The following RANBP9 variants were observed in gnomAD, a reference collection of about 807,000 sequenced individuals.
RANBP9 encodes the protein RAN binding protein 9.
RANBP9 carries 15 observed loss-of-function variants against 84.3 expected under a neutral mutation model. The ratio of observed to expected loss-of-function variants is 0.18; its 90% CI spans 0.12 to 0.27. RANBP9 has a LOEUF of 0.27. Ranked by LOEUF, RANBP9 falls within the 10% of genes least tolerant of loss-of-function variation. The pLI is 1.00. For missense variants in RANBP9, 809 were observed against 912.8 expected (o/e 0.89, Z 1.46); for synonymous variants, 392 against 349.6 (o/e 1.12, Z -1.35).
chr6:13,692,523 G>T (rs1490101447), intron 2 of RANBP9, among the ~76,000 whole-genome samples: 1 of 53,188 alleles, frequency 1.9e-5, no homozygotes, highest in African/African-American at 8.2e-5. Context: ...GCGAAACTCC[G>T]TCTCAAAAAA....
At position 13,710,951 on chromosome 6, in the gene RANBP9, C is replaced by T. The variant is rs777802880; in HGVS notation, c.555G>A (p.Leu185=). Residue 185 remains leucine (L), a synonymous_variant, in exon 1 of 14, where the codon CTG becomes CTA. Coordinates refer to ENST00000011619, the MANE Select transcript of RANBP9 (RefSeq NM_005493.3). ...GCCCAGTACCTTTGTAGTGCACCCG[C>T]AGGTTGTTCTGAGAGAGGCCGATGT... ...FSYIGLSQNN[L]RVHYKGHGKT... The T allele has an allele frequency of 6.2e-7, 1 of 1,608,916 alleles. No homozygotes were observed.
chr6:13,667,610 C>G (rs1226823586), intron 2 of RANBP9, among the ~76,000 whole-genome samples: 1 of 152,128 alleles, frequency 6.6e-6, no homozygotes, highest in East Asian at 1.9e-4. Context: ...CACATTTTTA[C>G]TGTATCTTTC....
In RANBP9 at chr6:13,708,819, TCACA is replaced by T. The variant is rs70989879; in HGVS notation, c.571+2112_571+2115del. 4.9e-4 allele frequency among the ~76,000 whole-genome samples: 69 copies of T among 140,902 alleles called. 1 individual carries two copies. Among genetic ancestry groups the T allele is most frequent in the African/African-American group, 9.3e-4 (35 of 37,522 alleles). 92.4% of individuals were successfully genotyped at this position (140,902 alleles called of 152,430 possible). ...AAAATCAACAGTAACAACGGAAAAC[TCACA>T]CACACACACACACACACACACACAG... On this transcript the variant is annotated intron_variant, in intron 1 of 13. Transcript: ENST00000011619.
At chr6:13,707,185 G>A (rs764569814) in intron 1 of RANBP9, among the ~76,000 whole-genome samples, 7 of 151,978 alleles carry the variant, frequency 4.6e-5, no homozygotes, top group Non-Finnish European at 7.4e-5. Context: ...CACTTAGCCC[G>A]GTTAATTTTT....
At chr6:13,679,111 ATC>A (rs1261609143) in intron 2 of RANBP9, among the ~76,000 whole-genome samples, 1 of 152,244 alleles carries the variant, frequency 6.6e-6, no homozygotes. Context: ...GCAGCTACTT[ATC>A]TCTCTCTACA....
intron 10 of RANBP9, among the ~76,000 whole-genome samples, chr6:13,634,809 A>G (rs889439005): frequency 2.6e-5 from 4 of 152,218 alleles, no homozygotes; most frequent in Non-Finnish European, 4.4e-5. Context: ...ATGACTTTAC[A>G]TCAATATGGA....
intron 13 of RANBP9, among the ~76,000 whole-genome samples, chr6:13,624,955 C>T (rs1012574800): frequency 6.6e-6 from 1 of 152,154 alleles, no homozygotes; most frequent in African/African-American, 2.4e-5. Context: ...GCTTAGGCTG[C>T]TGCTACCCAT....
chr6:13,706,068 G>T (rs1018270527), intron 1 of RANBP9, among the ~76,000 whole-genome samples: 1 of 152,100 alleles, frequency 6.6e-6, no homozygotes, highest in Non-Finnish European at 1.5e-5. Flanking sequence ...TATAACAAAA[G>T]TTCAACCTAT....
At chr6:13,700,466 C>T (rs1757940862) in intron 1 of RANBP9, among the ~76,000 whole-genome samples, 1 of 143,154 alleles carries the variant, frequency 7.0e-6, no homozygotes, top group Non-Finnish European at 1.5e-5. Context: ...GCTATTCCCT[C>T]CACCTTTCCT....
At chr6:13,623,393 T>C (rs1302523645) in intron 13 of RANBP9, among the ~76,000 whole-genome samples, 1 of 152,028 alleles carries the variant, frequency 6.6e-6, no homozygotes, top group Non-Finnish European at 1.5e-5. Flanking sequence ...GAGGATGCAA[T>C]TTGATGGTGG....
In RANBP9 at chr6:13,628,165, C is replaced by T. The variant is rs142091421; in HGVS notation, c.1948-2401G>A. Among the ~76,000 whole-genome samples the T allele has an allele frequency of 6.6e-3, 1,003 of 152,256 alleles. 7 individuals are homozygous for T. The highest frequency in any genetic ancestry group is 0.023 in the African/African-American group (939 of 41,542). On this transcript the variant is annotated intron_variant, in intron 12 of 13. Coordinates refer to ENST00000011619, the MANE Select transcript of RANBP9 (RefSeq NM_005493.3). ...TATCATCTAGAGAAGCAAACTGAGG[C>T]AGTGAATAGTAAGATGCAGATTCTT...
At chr6:13,710,880 G>T in intron 1 of RANBP9, 55 bp downstream of exon 1, 4 of 1,516,940 alleles carry the variant, frequency 2.6e-6, no homozygotes, top group South Asian at 2.4e-5. Flanking sequence ...GCGCAGCGGC[G>T]GCCGGCCACG....
intron 12 of RANBP9, among the ~76,000 whole-genome samples, chr6:13,627,406 G>A (rs904170438): frequency 7.2e-5 from 11 of 152,070 alleles, no homozygotes; most frequent in African/African-American, 1.9e-4. Flanking sequence ...GAGGCAGGCA[G>A]ATCATTTGAG....
intron 11 of RANBP9, among the ~76,000 whole-genome samples, chr6:13,633,219 A>C (rs1764840690): frequency 6.6e-6 from 1 of 152,116 alleles, no homozygotes; most frequent in African/African-American, 2.4e-5. Flanking sequence ...ATTTTTTAGT[A>C]GAAATGGGGT....
At chr6:13,672,947 A>G (rs1765807645) in intron 2 of RANBP9, among the ~76,000 whole-genome samples, 1 of 152,142 alleles carries the variant, frequency 6.6e-6, no homozygotes, top group South Asian at 2.1e-4. Flanking sequence ...TCATAATAGT[A>G]ATGCTAGAAG....
intron 1 of RANBP9, among the ~76,000 whole-genome samples, chr6:13,704,884 A>G (rs185267558): frequency 1.1e-3 from 164 of 152,020 alleles, no homozygotes; most frequent in African/African-American, 3.6e-3. Flanking sequence ...ATTCTTTCCA[A>G]TGTCAGCCTG....
intron 8 of RANBP9, among the ~76,000 whole-genome samples, chr6:13,640,303 C>CA (rs555367584): frequency 4.3e-4 from 66 of 151,914 alleles, no homozygotes; most frequent in African/African-American, 1.6e-3. Context: ...TTTTAAGTAA[C>CA]AAAGATTCAT....
intron 4 of RANBP9, among the ~76,000 whole-genome samples, chr6:13,654,810 A>T (rs1765364705): frequency 1.3e-5 from 2 of 152,202 alleles, no homozygotes; most frequent in South Asian, 4.1e-4. Context: ...TGTTCTAGAG[A>T]AGTAATTTCT....
At chr6:13,648,604 A>G (rs1195968450) in intron 5 of RANBP9, among the ~76,000 whole-genome samples, 1 of 152,248 alleles carries the variant, frequency 6.6e-6, no homozygotes, top group Non-Finnish European at 1.5e-5. Context: ...AAACATTTCT[A>G]TTAACTTGCA....
Sources: gnomAD v4.1 joint callset for allele counts (sites outside exome capture counted in the v4.1 genomes callset) on GRCh38, gnomAD v4.1.1 for gene constraint, MANE v1.5 for transcripts, NCBI Gene and HGNC (gene_info 2026-07-23, HGNC 2026-07-21) for gene names.